The following MTHFD1 variants were observed in gnomAD, a reference collection of about 807,000 sequenced individuals.
MTHFD1 encodes C-1-tetrahydrofolate synthase, cytoplasmic.
Under a neutral mutation model 110.3 loss-of-function variants are expected in MTHFD1, and 44 were observed. The ratio of observed to expected loss-of-function variants is 0.40; its 90% CI spans 0.31 to 0.51. MTHFD1 has a LOEUF of 0.51. Ranked by LOEUF, MTHFD1 falls within the 20% of genes least tolerant of loss-of-function variation. The probability of loss-of-function intolerance (pLI) is 0.60; values close to 1 mark genes in which losing one functional copy is unlikely to be tolerated. For synonymous variants in MTHFD1, 402 were observed against 428.8 expected (o/e 0.94, Z 0.77); for missense variants, 909 against 1,173.1 (o/e 0.77, Z 3.29).
chr14:64,428,183 G>A (rs527861619), intron 12 of MTHFD1, among the ~76,000 whole-genome samples: 6 of 144,304 alleles, frequency 4.2e-5, no homozygotes, highest in East Asian at 2.0e-4. Context: ...GTGTGATCTC[G>A]GCTCATTGCA....
chr14:64,416,934 T>G (rs1352202313), intron 6 of MTHFD1, among the ~76,000 whole-genome samples: 1 of 152,200 alleles, frequency 6.6e-6, no homozygotes, highest in Non-Finnish European at 1.5e-5. Context: ...CTTCTAGATG[T>G]TCATGATGTT....
intron 3 of MTHFD1, among the ~76,000 whole-genome samples, chr14:64,411,903 A>G (rs1282270684): frequency 6.7e-6 from 1 of 149,188 alleles, no homozygotes; most frequent in African/African-American, 2.5e-5. Flanking sequence ...CTCCAACCAG[A>G]AAAAAAAAAG....
intron 2 of MTHFD1, among the ~76,000 whole-genome samples, chr14:64,409,115 A>G (rs572570633): frequency 2.0e-5 from 3 of 152,182 alleles, no homozygotes; most frequent in Non-Finnish European, 2.9e-5. Flanking sequence ...TCCTTCAGAA[A>G]TATTCAGGCC....
intron 4 of MTHFD1, among the ~76,000 whole-genome samples, chr14:64,414,075 A>C (rs1484129897): frequency 1.3e-5 from 2 of 151,538 alleles, no homozygotes; most frequent in Non-Finnish European, 2.9e-5. Flanking sequence ...GCTCACTGCA[A>C]CCTCCACCTC....
intron 7 of MTHFD1, chr14:64,419,356 CT>C (rs1221247323): frequency 5.0e-6 from 1 of 201,604 alleles, no homozygotes; most frequent in Non-Finnish European, 9.1e-6. Flanking sequence ...CATCAGATTC[CT>C]GAGCCCAAGA....
At chr14:64,428,305 G>A (rs1030357058) in intron 12 of MTHFD1, among the ~76,000 whole-genome samples, 8 of 151,464 alleles carry the variant, frequency 5.3e-5, no homozygotes, top group African/African-American at 1.7e-4. Flanking sequence ...TGGTAGAGAC[G>A]GGGTTTCACC....
At chr14:64,436,163 C>T (rs1159769171) in intron 16 of MTHFD1, among the ~76,000 whole-genome samples, 1 of 151,856 alleles carries the variant, frequency 6.6e-6, no homozygotes, top group Admixed American at 6.6e-5. Context: ...GGCACAGTAT[C>T]GGCTCACTGC....
Position 64,459,834 on chromosome 14 carries a change from A to G in MTHFD1, c.*80A>G, listed in dbSNP as rs764603635. Reference sequence around the variant, plus strand: ...TCAGGCCCACTGGGAGTTAGGAAGTATAAGTAAGCCAAGAGAAGTCAGCCC... The same window carrying G: ...TCAGGCCCACTGGGAGTTAGGAAGTGTAAGTAAGCCAAGAGAAGTCAGCCC... On this transcript the variant is annotated 3_prime_UTR_variant, in exon 28 of 28. Transcript: ENST00000652337. 47 of 1,535,912 alleles carry G rather than the reference A, an allele frequency of 3.1e-5. No homozygotes were observed. The highest frequency in any genetic ancestry group is 3.7e-5 in the Non-Finnish European group (43 of 1,146,776).
At chr14:64,411,523 T>C (rs889703940) in intron 3 of MTHFD1, among the ~76,000 whole-genome samples, 1 of 152,252 alleles carries the variant, frequency 6.6e-6, no homozygotes, top group Admixed American at 6.5e-5. Context: ...TATTGAAAAG[T>C]ACACGTTTTC....
Position 64,410,185 on chromosome 14 carries a change from T to C in MTHFD1, c.127-905T>C, listed in dbSNP as rs529116358. Among the ~76,000 whole-genome samples the C allele has an allele frequency of 1.2e-3, 183 of 152,232 alleles. 1 individual carries two copies. In the South Asian group the frequency reaches 0.02, roughly 17 times the overall value. On this transcript the variant is annotated intron_variant, in intron 2 of 27. Transcript: ENST00000652337. ...AGACACTGCATGGTGGTTCAAAGGA[T>C]TTAGCCTCTGCACTACAAGTTTCTC...
At chr14:64,437,697 C>T (rs2078217020) in intron 16 of MTHFD1, among the ~76,000 whole-genome samples, 1 of 152,226 alleles carries the variant, frequency 6.6e-6, no homozygotes, top group South Asian at 2.1e-4. Context: ...CAACCCCCTG[C>T]TCAGGTTCAT....
At chr14:64,444,029 C>T (rs2078269092) in intron 21 of MTHFD1, among the ~76,000 whole-genome samples, 1 of 151,940 alleles carries the variant, frequency 6.6e-6, no homozygotes, top group African/African-American at 2.4e-5. Context: ...CATGGTGGGG[C>T]CCATGAAATG....
At chr14:64,421,340 A>T (rs1566562891) in intron 8 of MTHFD1, among the ~76,000 whole-genome samples, 1 of 152,188 alleles carries the variant, frequency 6.6e-6, no homozygotes, top group Non-Finnish European at 1.5e-5. Context: ...GAATTGTCGA[A>T]GGGAGTTATA....
intron 8 of MTHFD1, among the ~76,000 whole-genome samples, chr14:64,422,172 G>A (rs917761738): frequency 1.3e-5 from 2 of 152,190 alleles, no homozygotes; most frequent in South Asian, 2.1e-4. Context: ...TGTTTTTACT[G>A]ATCTTGGGCA....
Position 64,442,080 on chromosome 14 carries a change from C to T in MTHFD1, c.1911C>T (p.Gly637=). Residue 637 remains glycine (G), a synonymous_variant, in exon 20 of 28, where the codon GGC becomes GGT. Coordinates refer to ENST00000652337, the MANE Select transcript of MTHFD1 (RefSeq NM_005956.4). ...GCACTCCAGTGTTTGTCCATGCTGG[C>T]CCGTTTGCCAACATCGCACATGGCA... ...LEGTPVFVHA[G]PFANIAHGNS... 6.2e-7 allele frequency: 1 copy of T among 1,614,136 alleles called. No homozygotes were observed. Among genetic ancestry groups the T allele is most frequent in the Middle Eastern group, 1.6e-4 (1 of 6,062 alleles).
chr14:64,412,465 T>C lies in MTHFD1; in HGVS notation c.187-7T>C, dbSNP rs775087606. 6 of 1,610,574 alleles carry C rather than the reference T, an allele frequency of 3.7e-6. No individual in the cohort carries two copies. Among genetic ancestry groups the C allele is most frequent in the Non-Finnish European group, 5.1e-6 (6 of 1,176,848 alleles). On this transcript the variant is annotated splice_region_variant and splice_polypyrimidine_tract_variant and intron_variant, in intron 3 of 27. Coordinates refer to ENST00000652337, the MANE Select transcript of MTHFD1 (RefSeq NM_005956.4). ...CCATTTACCTGCTTTTAATGTCTGT[T>C]TTGCAGATTGGGATCAAAGCCACTC...
At chr14:64,454,385 T>C (rs879730576) in intron 25 of MTHFD1, among the ~76,000 whole-genome samples, 16 of 152,198 alleles carry the variant, frequency 1.1e-4, no homozygotes, top group Non-Finnish European at 1.9e-4. Flanking sequence ...AGTGCTGGAA[T>C]TTATAGGCAT....
At chr14:64,388,495 G>T (rs1566549743) in intron 1 of MTHFD1, 27 bp downstream of exon 1, 1 of 1,606,472 alleles carries the variant, frequency 6.2e-7, no homozygotes, top group Non-Finnish European at 8.5e-7. Context: ...GTTGTTGAGT[G>T]TGGGGCTGTG....
At position 64,412,840 on chromosome 14, in the gene MTHFD1, G is replaced by A. The variant is rs181650792; in HGVS notation, c.240+315G>A. Among the ~76,000 whole-genome samples the A allele has an allele frequency of 9.9e-5, 15 of 151,572 alleles. No individual in the cohort carries two copies. The East Asian group carries it at 1.2e-3, about 12-fold the overall frequency. ...TTTAATAGAGACGCGGTTTCACCAC[G>A]TTGGCCAGGCTGGTCTTGAACTCCT... is the stretch of plus-strand genomic sequence containing the variant. On this transcript the variant is annotated intron_variant, in intron 4 of 27. Transcript: ENST00000652337.
Sources: gnomAD v4.1 joint callset for allele counts (sites outside exome capture counted in the v4.1 genomes callset) on GRCh38, gnomAD v4.1.1 for gene constraint, MANE v1.5 for transcripts, NCBI Gene and HGNC (gene_info 2026-07-23, HGNC 2026-07-21) for gene names.